The following MSRB3 variants were observed in gnomAD, a reference collection of about 807,000 sequenced individuals.
MSRB3 encodes the protein methionine-R-sulfoxide reductase B3.
MSRB3 carries 13 observed loss-of-function variants against 21.0 expected under a neutral mutation model. That is an observed-to-expected ratio of 0.62 (90% confidence interval 0.40 to 0.98). The LOEUF is 0.98. MSRB3 is among the 50% of genes least tolerant of loss of function. MSRB3 has a pLI of 0.00. For synonymous variants in MSRB3, 87 were observed against 88.6 expected (o/e 0.98, Z 0.10); for missense variants, 199 against 230.3 (o/e 0.86, Z 0.88).
intron 5 of MSRB3, among the ~76,000 whole-genome samples, chr12:65,436,487 A>C (rs908569030): frequency 6.6e-6 from 1 of 151,836 alleles, no homozygotes; most frequent in Non-Finnish European, 1.5e-5. Context: ...GTTCTCATGC[A>C]TTTAGAAACA....
intron 4 of MSRB3, among the ~76,000 whole-genome samples, chr12:65,329,464 A>G (rs553875181): frequency 6.6e-6 from 1 of 152,266 alleles, no homozygotes; most frequent in East Asian, 1.9e-4. Flanking sequence ...AGCCTGGCCA[A>G]CATGGTGAAA....
At chr12:65,409,419 G>A (rs1392686428) in intron 5 of MSRB3, among the ~76,000 whole-genome samples, 1 of 151,904 alleles carries the variant, frequency 6.6e-6, no homozygotes, top group Middle Eastern at 3.2e-3. Flanking sequence ...GGAAATTGTA[G>A]CACAGTGTTA....
intron 2 of MSRB3, among the ~76,000 whole-genome samples, chr12:65,317,455 T>C (rs929908345): frequency 6.6e-6 from 1 of 152,102 alleles, no homozygotes; most frequent in African/African-American, 2.4e-5. Flanking sequence ...CATAAGAAAA[T>C]CTCTGAGAAG....
intron 5 of MSRB3, chr12:65,418,992 G>T: frequency 1.4e-6 from 1 of 708,620 alleles, no homozygotes; most frequent in South Asian, 1.5e-5. Context: ...GGTGCAGCAG[G>T]ATCCCGTTGA....
At chr12:65,300,717 C>T (rs1222378142) in intron 1 of MSRB3, among the ~76,000 whole-genome samples, 1 of 152,154 alleles carries the variant, frequency 6.6e-6, no homozygotes, top group African/African-American at 2.4e-5. Context: ...ACTGTTTGTT[C>T]ACTGTGGTTC....
At chr12:65,308,765 G>T in intron 2 of MSRB3, 110 bp downstream of exon 2, 1 of 1,501,988 alleles carries the variant, frequency 6.7e-7, no homozygotes, top group Non-Finnish European at 9.2e-7. Context: ...TCTTTTACTT[G>T]GGCCCTAATT....
rs866902557 is a variant in MSRB3 at position 65,422,388 on chromosome 12, G to A, written c.293-31340G>A. ...AATTTTTAATTTTTGGGAGTACATAGTATATATATATATATATATATATAT... is the reference window on the plus strand; with the variant it reads ...AATTTTTAATTTTTGGGAGTACATAATATATATATATATATATATATATAT... On this transcript the variant is annotated intron_variant, in intron 5 of 6. Transcript: ENST00000308259. 3.3e-3 allele frequency among the ~76,000 whole-genome samples: 307 copies of A among 92,432 alleles called. 8 individuals carry two copies. Among genetic ancestry groups the A allele is most frequent in the Non-Finnish European group, 4.3e-3 (207 of 47,882 alleles). The allele number at this position is 92,432 out of a possible 152,430, so 60.6% of individuals were successfully genotyped here. A position where few individuals can be genotyped will look rare whatever the true frequency, so the allele number is the denominator to read the frequency against.
chr12:65,451,449 T>C (rs746097989), intron 5 of MSRB3, among the ~76,000 whole-genome samples: 9 of 152,040 alleles, frequency 5.9e-5, no homozygotes, highest in Non-Finnish European at 1.0e-4. Flanking sequence ...CATATCTAAT[T>C]CAGGTAGAAA....
rs1050280791 is a variant in MSRB3, at chr12:65,465,946, C to T, written c.*2624C>T. 2.6e-5 allele frequency: 4 copies of T among 152,172 alleles called. No homozygotes were observed. Among genetic ancestry groups the T allele is most frequent in the Non-Finnish European group, 5.9e-5 (4 of 68,074 alleles). 9.4% of individuals were successfully genotyped at this position (152,172 alleles called of 1,614,324 possible). On this transcript the variant is annotated 3_prime_UTR_variant, in exon 7 of 7. Transcript: ENST00000308259. ...CATCCTTCAGAGGCACACACAGCAC[C>T]TCTCGGCTGCTCCAGCTCTGTAGGA...
intron 4 of MSRB3, among the ~76,000 whole-genome samples, chr12:65,346,650 A>G (rs1457861771): frequency 2.0e-5 from 3 of 152,156 alleles, no homozygotes; most frequent in Non-Finnish European, 4.4e-5. Context: ...TTAGACACGA[A>G]GTCCTTGCCC....
At chr12:65,437,061 C>T (rs2136673576) in intron 5 of MSRB3, among the ~76,000 whole-genome samples, 1 of 151,924 alleles carries the variant, frequency 6.6e-6, no homozygotes. Flanking sequence ...GGAGATGGTC[C>T]TGTGTGTGGC....
chr12:65,424,658 G>T (rs1881484696), intron 5 of MSRB3, among the ~76,000 whole-genome samples: 1 of 151,872 alleles, frequency 6.6e-6, no homozygotes, highest in Non-Finnish European at 1.5e-5. Context: ...TCATATTATA[G>T]TGGTTGGAAA....
chr12:65,285,799 A>T (rs1254341614), intron 1 of MSRB3: 1 of 152,278 alleles, frequency 6.6e-6, no homozygotes, highest in Non-Finnish European at 1.5e-5. Flanking sequence ...CAGACTGGGC[A>T]ATAGAGTGAG....
chr12:65,404,855 CTTG>C (rs981628862), intron 5 of MSRB3, among the ~76,000 whole-genome samples: 7 of 152,148 alleles, frequency 4.6e-5, no homozygotes, highest in African/African-American at 1.2e-4. Context: ...AGCTCTAGAA[CTTG>C]TTATTTCTGT....
chr12:65,454,293 TTAAATAAA>T (rs71434084), intron 6 of MSRB3: 12,559 of 146,026 alleles, frequency 0.086, 1,420 homozygotes, highest in African/African-American at 0.26. Flanking sequence ...GTCTCATAAA[TTAAATAAA>T]TAAATAAATA....
chr12:65,385,675 C>A (rs1463819165), intron 5 of MSRB3, among the ~76,000 whole-genome samples: 1 of 151,876 alleles, frequency 6.6e-6, no homozygotes, highest in Non-Finnish European at 1.5e-5. Context: ...TTACTTTTAT[C>A]CCCAGCACTA....
intron 1 of MSRB3, chr12:65,285,937 G>C (rs1333347427): frequency 6.6e-6 from 1 of 152,164 alleles, no homozygotes; most frequent in East Asian, 1.9e-4. Context: ...CATAACATTT[G>C]TCTAAAGTGA....
At chr12:65,453,362 G>A (rs1027032066) in intron 5 of MSRB3, among the ~76,000 whole-genome samples, 5 of 152,132 alleles carry the variant, frequency 3.3e-5, no homozygotes, top group Non-Finnish European at 7.4e-5. Flanking sequence ...GGAAAACATC[G>A]TAATGGAAGA....
At chr12:65,333,363 A>G (rs1875552116) in intron 4 of MSRB3, among the ~76,000 whole-genome samples, 1 of 152,220 alleles carries the variant, frequency 6.6e-6, no homozygotes, top group Non-Finnish European at 1.5e-5. Flanking sequence ...AACTCAGGCA[A>G]GACTTCTTGG....
Sources: gnomAD v4.1 joint callset for allele counts (sites outside exome capture counted in the v4.1 genomes callset) on GRCh38, gnomAD v4.1.1 for gene constraint, MANE v1.5 for transcripts, NCBI Gene and HGNC (gene_info 2026-07-23, HGNC 2026-07-21) for gene names.